The following MFAP1 variants were observed in gnomAD, a reference collection of about 807,000 sequenced individuals.
MFAP1 encodes microfibrillar-associated protein 1.
Under a neutral mutation model 62.2 loss-of-function variants are expected in MFAP1, and 18 were observed. That is an observed-to-expected ratio of 0.29 (90% CI 0.20 to 0.43). The LOEUF (loss-of-function observed/expected upper bound fraction) is 0.43. Ranked by LOEUF, MFAP1 falls within the 20% of genes least tolerant of loss-of-function variation. The pLI is 1.00. For missense variants in MFAP1, 355 were observed against 559.7 expected (o/e 0.63, Z 3.69); for synonymous variants, 175 against 180.4 (o/e 0.97, Z 0.24).
intron 8 of MFAP1, 21 bp downstream of exon 8, chr15:43,805,355 T>C: frequency 1.2e-6 from 2 of 1,607,840 alleles, no homozygotes; most frequent in Non-Finnish European, 1.7e-6. Flanking sequence ...TTCTCTGTCA[T>C]GTTATTAAGG....
At chr15:43,806,655 A>C (rs952014901) in intron 7 of MFAP1, among the ~76,000 whole-genome samples, 1 of 151,682 alleles carries the variant, frequency 6.6e-6, no homozygotes, top group Non-Finnish European at 1.5e-5. Flanking sequence ...CGGGCGGATC[A>C]CGAGGTCACG....
chr15:43,813,508 CTTTTTT>C (rs10709037), intron 4 of MFAP1, 151 bp from the exon 5 acceptor site: 468 of 248,606 alleles, frequency 1.9e-3, no homozygotes, highest in Middle Eastern at 5.0e-3. Flanking sequence ...CATCCCAGGT[CTTTTTT>C]TTTTTTTTTT....
Position 43,813,360 on chromosome 15 carries a change from G to T in MFAP1, c.618-3C>A. On this transcript the variant is annotated splice_polypyrimidine_tract_variant and splice_region_variant and intron_variant, in intron 4 of 8. Coordinates refer to ENST00000267812, the MANE Select transcript of MFAP1 (RefSeq NM_005926.3). ...CTTGAACTGTCACTCGGTCCTTCCTGCATCACAGAGATCCTGTTAATTGCC... is the reference window on the plus strand; with the variant it reads ...CTTGAACTGTCACTCGGTCCTTCCTTCATCACAGAGATCCTGTTAATTGCC... 6.2e-7 allele frequency: 1 copy of T among 1,603,402 alleles called. No individual in the cohort carries two copies. Among genetic ancestry groups the T allele is most frequent in the Non-Finnish European group, 8.5e-7 (1 of 1,177,318 alleles).
At position 43,809,614 on chromosome 15, in the gene MFAP1, T is replaced by C. The variant is rs112628714; in HGVS notation, c.1047+141A>G. The C allele has an allele frequency of 1.3e-4, 130 of 987,622 alleles. No individual in the cohort carries two copies. In the African/African-American group the frequency reaches 1.9e-3, roughly 15 times the overall value. The allele number at this position is 987,622 out of a possible 1,614,324, so 61.2% of individuals were successfully genotyped here. On this transcript the variant is annotated intron_variant, in intron 7 of 8. Transcript: ENST00000267812. ...GATGCTTTTCTCTGAGTTTATATTGTTCAGAAGGAAAAAGCAAATGAGAAA... is the reference window on the plus strand; with the variant it reads ...GATGCTTTTCTCTGAGTTTATATTGCTCAGAAGGAAAAAGCAAATGAGAAA...
intron 1 of MFAP1, among the ~76,000 whole-genome samples, 195 bp downstream of exon 1, chr15:43,824,296 G>A (rs1441360886): frequency 6.6e-6 from 1 of 152,014 alleles, no homozygotes; most frequent in Non-Finnish European, 1.5e-5. Flanking sequence ...ACAGAAGAGA[G>A]GTGCTTGCTG....
Position 43,815,646 on chromosome 15 carries a change from T to G in MFAP1, c.300-572A>C, listed in dbSNP as rs547577431. Among the ~76,000 whole-genome samples, 11 of 152,104 alleles carry G rather than the reference T, an allele frequency of 7.2e-5. No homozygotes were observed. The East Asian group carries it at 2.1e-3, about 29-fold the overall frequency. ...ATAGGGATGCATTGGGATTTTTTTT[T>G]TTTTGAGACAGAATCTCACTCTGTC... is the stretch of plus-strand genomic sequence containing the variant. On this transcript the variant is annotated intron_variant, in intron 2 of 8. Coordinates refer to ENST00000267812, the MANE Select transcript of MFAP1 (RefSeq NM_005926.3).
chr15:43,819,055 G>C (rs1200509356), intron 1 of MFAP1, among the ~76,000 whole-genome samples: 1 of 152,160 alleles, frequency 6.6e-6, no homozygotes, highest in Admixed American at 6.6e-5. Context: ...AGCCAGACAT[G>C]GTGGCACAGA....
intron 7 of MFAP1, among the ~76,000 whole-genome samples, chr15:43,809,070 T>C (rs745921465): frequency 2.0e-5 from 3 of 152,220 alleles, no homozygotes; most frequent in Non-Finnish European, 2.9e-5. Flanking sequence ...TTGCAGAGTT[T>C]GGTTTTCACA....
Position 43,814,963 on chromosome 15 carries a change from C to T in MFAP1, c.411G>A (p.Glu137=), listed in dbSNP as rs114234191. The T allele has an allele frequency of 5.6e-6, 9 of 1,613,966 alleles. No individual in the cohort carries two copies. The African/African-American group carries it at 1.1e-4, about 19-fold the overall frequency. ...MEREDSSEEE[E]EEIDDEEIER... ...ATCATACCTCATCATCAATTTCCTC[C>T]TCCTCTTCTTCACTGCTGTCTTCTC... is the stretch of plus-strand genomic sequence containing the variant. The change falls in exon 3 of 9, where the codon GAG becomes GAA. Residue 137 remains glutamate (E), a synonymous_variant. Coordinates refer to ENST00000267812, the MANE Select transcript of MFAP1 (RefSeq NM_005926.3).
At chr15:43,807,063 C>T (rs2087370391) in intron 7 of MFAP1, among the ~76,000 whole-genome samples, 1 of 151,964 alleles carries the variant, frequency 6.6e-6, no homozygotes, top group African/African-American at 2.4e-5. Context: ...AAAGTCTATA[C>T]ATCTTGGCCG....
At chr15:43,814,874 T>C in intron 3 of MFAP1, 71 bp downstream of exon 3, 1 of 1,585,502 alleles carries the variant, frequency 6.3e-7, no homozygotes, top group South Asian at 1.2e-5. Context: ...TTTTAAGGCT[T>C]CAACAAATGA....
chr15:43,813,028 T>G lies in MFAP1; in HGVS notation c.846A>C (p.Arg282=). Reference sequence around the variant, plus strand: ...TGTCCCTCTTGATTCTTTTTAGCTCTCGAACTTTCCATGCCTCATATTCCT... The same window carrying G: ...TGTCCCTCTTGATTCTTTTTAGCTCGCGAACTTTCCATGCCTCATATTCCT... The part of the protein sequence containing the change: ...DEEEYEAWKV[R]ELKRIKRDRE... Residue 282 remains arginine (R), a synonymous_variant, in exon 6 of 9, where the codon CGA becomes CGC. Coordinates refer to ENST00000267812, the MANE Select transcript of MFAP1 (RefSeq NM_005926.3). 6.2e-7 allele frequency: 1 copy of G among 1,614,202 alleles called. No individual in the cohort carries two copies. Among genetic ancestry groups the G allele is most frequent in the Non-Finnish European group, 8.5e-7 (1 of 1,180,040 alleles).
intron 7 of MFAP1, among the ~76,000 whole-genome samples, chr15:43,807,738 C>T (rs2087375004): frequency 6.6e-6 from 1 of 152,198 alleles, no homozygotes; most frequent in South Asian, 2.1e-4. Context: ...CTCGTCAGAA[C>T]CCCTACAGTA....
At chr15:43,818,767 G>A (rs1222075702) in intron 1 of MFAP1, among the ~76,000 whole-genome samples, 2 of 152,002 alleles carry the variant, frequency 1.3e-5, no homozygotes, top group Non-Finnish European at 1.5e-5. Context: ...TATGCCTGTG[G>A]TCCCAAGCTA....
At chr15:43,819,922 C>T (rs529597465) in intron 1 of MFAP1, among the ~76,000 whole-genome samples, 13 of 152,204 alleles carry the variant, frequency 8.5e-5, no homozygotes, top group African/African-American at 3.1e-4. Flanking sequence ...CCAAGGCGGA[C>T]GGATCACAAC....
rs1050750176 is a variant in MFAP1 at position 43,809,322 on chromosome 15, TA to T, written c.1047+432del. On this transcript the variant is annotated intron_variant, in intron 7 of 8. Transcript: ENST00000267812. ...GTGAAACCTGGTCTTTACGAAAAATTAAAAAAAAAATAACCAAAAAAAAAAA... is the reference window on the plus strand; with the variant it reads ...GTGAAACCTGGTCTTTACGAAAAATTAAAAAAAAATAACCAAAAAAAAAAA... 2.1e-4 allele frequency among the ~76,000 whole-genome samples: 19 copies of T among 91,224 alleles called. No individual in the cohort carries two copies. In the South Asian group the frequency reaches 2.3e-3, roughly 11 times the overall value. The allele number at this position is 91,224 out of a possible 152,430, so 59.8% of individuals were successfully genotyped here.
At chr15:43,816,155 C>A (rs185820509) in intron 2 of MFAP1, among the ~76,000 whole-genome samples, 1 of 152,152 alleles carries the variant, frequency 6.6e-6, no homozygotes, top group African/African-American at 2.4e-5. Context: ...AACAGGCAAA[C>A]AAATTCCACT....
Position 43,814,768 on chromosome 15 carries a change from A to T in MFAP1, c.430-80T>A, listed in dbSNP as rs181243231. ...GTCTCATCAAACACAACAAATTCAA[A>T]TGTAAAAAGATACAACTTAGTATCA... On this transcript the variant is annotated intron_variant, in intron 3 of 8. Transcript: ENST00000267812. 1,435 of 1,522,684 alleles carry T rather than the reference A, an allele frequency of 9.4e-4. 3 individuals are homozygous for T. The highest frequency in any genetic ancestry group is 1.2e-3 in the Non-Finnish European group (1,328 of 1,123,534). The allele number at this position is 1,522,684 out of a possible 1,614,324, so 94.3% of individuals were successfully genotyped here.
rs565108219 is a variant in MFAP1 at position 43,811,750 on chromosome 15, C to T, written c.887+1237G>A. Among the ~76,000 whole-genome samples the T allele has an allele frequency of 2.4e-4, 36 of 152,070 alleles. 2 individuals are homozygous for T. Among genetic ancestry groups the T allele is most frequent in the East Asian group, 2.0e-4 (1 of 5,066 alleles). On this transcript the variant is annotated intron_variant, in intron 6 of 8. Coordinates refer to ENST00000267812, the MANE Select transcript of MFAP1 (RefSeq NM_005926.3). ...CTTGAACTCTCAGCCTGAAGTGATTCGCCTGCCTCAGCCACCCAAAGTGCT... is the reference window on the plus strand; with the variant it reads ...CTTGAACTCTCAGCCTGAAGTGATTTGCCTGCCTCAGCCACCCAAAGTGCT...
Sources: gnomAD v4.1 joint callset for allele counts (sites outside exome capture counted in the v4.1 genomes callset) on GRCh38, gnomAD v4.1.1 for gene constraint, MANE v1.5 for transcripts, NCBI Gene and HGNC (gene_info 2026-07-23, HGNC 2026-07-21) for gene names.